Variants in CFAP221 observed in about 807,000 individuals in gnomAD.
CFAP221 encodes the protein cilia- and flagella-associated protein 221.
CFAP221 carries 97 observed loss-of-function variants against 113.1 expected under a neutral mutation model. That is an observed-to-expected ratio of 0.86 (90% CI 0.73 to 1.02). CFAP221 has a LOEUF of 1.02. CFAP221 is among the 50% of genes least tolerant of loss of function. The probability of loss-of-function intolerance (pLI) is 0.00; values close to 1 mark genes in which losing one functional copy is unlikely to be tolerated. For synonymous variants in CFAP221, 331 were observed against 354.4 expected, an observed-to-expected ratio of 0.93 and a Z score of 0.74; for missense variants, 1,025 against 1,013.4, an observed-to-expected ratio of 1.01 and a Z score of -0.16.
chr2:119,601,354 A>G lies in CFAP221; in HGVS notation c.768A>G (p.Thr256=), dbSNP rs1684354849. 2.0e-6 allele frequency: 3 copies of G among 1,532,334 alleles called. No individual in the cohort carries two copies. Among genetic ancestry groups the G allele is most frequent in the South Asian group, 1.2e-5 (1 of 83,352 alleles). The allele number at this position is 1,532,334 out of a possible 1,614,324, so 94.9% of individuals were successfully genotyped here. A position where few individuals can be genotyped will look rare whatever the true frequency, so the allele number is the denominator to read the frequency against. Residue 256 remains threonine (T), a synonymous_variant, in exon 8 of 24, where the codon ACA becomes ACG. Transcript: ENST00000413369. ...CATACGAATGTGTCTTCACCGGAAC[A>G]TGCTATCCCAACATGGCCTTACCGT... ...SQPYECVFTG[T]CYPNMALPLE...
chr2:119,659,900 G>A (rs1236746698), downstream of CFAP221, among the ~76,000 whole-genome samples: 1 of 152,168 alleles, frequency 6.6e-6, no homozygotes, highest in Non-Finnish European at 1.5e-5. Context: ...TGTTTGTTCA[G>A]GGAATTGCTT....
chr2:119,560,058 T>G (rs1681126697), intron 5 of CFAP221, 32 bp downstream of exon 5: 1 of 1,429,740 alleles, frequency 7.0e-7, no homozygotes, highest in East Asian at 2.5e-5. Context: ...TTTTTTTTTT[T>G]TTTTTTTGAT....
chr2:119,557,797 G>A (rs1301411733), intron 3 of CFAP221, among the ~76,000 whole-genome samples: 3 of 151,938 alleles, frequency 2.0e-5, no homozygotes, highest in South Asian at 4.2e-4. Context: ...TCAGGAGTTC[G>A]AGACCAGCCT....
chr2:119,586,835 A>G, intron 6 of CFAP221: 1 of 278,410 alleles, frequency 3.6e-6, no homozygotes, highest in Non-Finnish European at 6.6e-6. Context: ...ACATTAAATC[A>G]TGGTTCTGCC....
At position 119,560,046 on chromosome 2, in the gene CFAP221, T is replaced by A. The variant is rs766835517; in HGVS notation, c.426+20T>A. 1.5e-5 allele frequency: 2 copies of A among 133,064 alleles called. No homozygotes were observed. Among genetic ancestry groups the A allele is most frequent in the South Asian group, 3.0e-4 (2 of 6,664 alleles). 8.2% of individuals were successfully genotyped at this position (133,064 alleles called of 1,614,324 possible). Reference sequence around the variant, plus strand: ...TGTAAGGTAGGTCTCTTAAAATTGCTTTTTTTTTTTTTTTTTTTTGATGGT... The same window carrying A: ...TGTAAGGTAGGTCTCTTAAAATTGCATTTTTTTTTTTTTTTTTTTGATGGT... On this transcript the variant is annotated intron_variant, in intron 5 of 23. Coordinates refer to ENST00000413369, the MANE Select transcript of CFAP221 (RefSeq NM_001271049.2).
intron 3 of CFAP221, chr2:119,557,044 C>T (rs959126986): frequency 6.6e-6 from 1 of 152,194 alleles, no homozygotes. Context: ...AGTTTAGGTT[C>T]CTGTCTTCCT....
chr2:119,583,571 G>A (rs932867069), intron 6 of CFAP221, among the ~76,000 whole-genome samples: 8 of 152,046 alleles, frequency 5.3e-5, no homozygotes, highest in Non-Finnish European at 1.0e-4. Context: ...TCCAAAAGTA[G>A]CATTGCAATA....
At chr2:119,548,564 G>A (rs1680205453) in intron 2 of CFAP221, among the ~76,000 whole-genome samples, 1 of 152,186 alleles carries the variant, frequency 6.6e-6, no homozygotes, top group African/African-American at 2.4e-5. Flanking sequence ...GAGACTTACT[G>A]TTCCGAGTGA....
intron 3 of CFAP221, among the ~76,000 whole-genome samples, chr2:119,552,946 T>G (rs947404311): frequency 6.6e-6 from 1 of 152,142 alleles, no homozygotes; most frequent in Admixed American, 6.5e-5. Context: ...TCTAATAGAG[T>G]TAAGGATTTT....
intron 15 of CFAP221, chr2:119,625,908 A>C: frequency 1.9e-6 from 1 of 537,272 alleles, no homozygotes. Flanking sequence ...TGACTGGCTG[A>C]ATATGGTATT....
At chr2:119,638,861 C>T (rs547712036) in intron 20 of CFAP221, among the ~76,000 whole-genome samples, 1 of 152,124 alleles carries the variant, frequency 6.6e-6, no homozygotes, top group African/African-American at 2.4e-5. Flanking sequence ...ACCTGAATAT[C>T]CCCTGACACC....
chr2:119,584,000 C>G (rs1023672896), intron 6 of CFAP221, among the ~76,000 whole-genome samples: 4 of 152,066 alleles, frequency 2.6e-5, no homozygotes, highest in African/African-American at 9.7e-5. Context: ...TGACAGCAAC[C>G]CAAACATACC....
chr2:119,600,766 C>T (rs1338761714), intron 7 of CFAP221, among the ~76,000 whole-genome samples: 1 of 152,134 alleles, frequency 6.6e-6, no homozygotes, highest in African/African-American at 2.4e-5. Flanking sequence ...GCCTCTTCTT[C>T]CACCTCTTCC....
At chr2:119,587,031 C>A in intron 6 of CFAP221, 88 bp from the exon 7 acceptor site, 3 of 945,430 alleles carry the variant, frequency 3.2e-6, no homozygotes, top group African/African-American at 1.7e-5. Context: ...TTGTTTATTA[C>A]GTAACTTGAG....
In CFAP221 at chr2:119,629,962, C is replaced by T. The variant is rs201524308; in HGVS notation, c.1731+7C>T. On this transcript the variant is annotated splice_region_variant and intron_variant, in intron 17 of 23. Coordinates refer to ENST00000413369, the MANE Select transcript of CFAP221 (RefSeq NM_001271049.2). ...TTCCTTCTTCAATCTGCAGGTCAGA[C>T]CTGTCACATAAATTAATTAATTGAG... 3 of 1,586,974 alleles carry T rather than the reference C, an allele frequency of 1.9e-6. No individual in the cohort carries two copies. The highest frequency in any genetic ancestry group is 2.2e-5 in the East Asian group (1 of 44,750).
intron 21 of CFAP221, among the ~76,000 whole-genome samples, chr2:119,642,458 C>T (rs1687548879): frequency 6.6e-6 from 1 of 150,612 alleles, no homozygotes; most frequent in African/African-American, 2.4e-5. Flanking sequence ...TGGTGAGGGC[C>T]AGCTTCCTGG....
chr2:119,546,320 G>A (rs758869022), intron 2 of CFAP221, 50 bp downstream of exon 2: 32 of 1,512,920 alleles, frequency 2.1e-5, no homozygotes, highest in African/African-American at 8.4e-5. Flanking sequence ...CTTCCCAGGC[G>A]AGCCAAAGTC....
At chr2:119,594,032 GGACAAACATCCA>G (rs1486730294) in intron 7 of CFAP221, among the ~76,000 whole-genome samples, 3 of 152,102 alleles carry the variant, frequency 2.0e-5, no homozygotes, top group African/African-American at 7.2e-5. Flanking sequence ...GATTTGCAGG[GGACAAACATCCA>G]AACCATAGCA....
chr2:119,626,433 A>AC (rs1686311652), intron 15 of CFAP221, among the ~76,000 whole-genome samples: 1 of 151,948 alleles, frequency 6.6e-6, no homozygotes, highest in Admixed American at 6.6e-5. Flanking sequence ...AGGTCCCCCA[A>AC]CCCCATACCA....
Sources: allele counts gnomAD v4.1 joint callset (sites outside exome capture counted in the v4.1 genomes callset), GRCh38; gene constraint gnomAD v4.1.1; transcripts MANE v1.5; gene names NCBI Gene and HGNC (gene_info 2026-07-23, HGNC 2026-07-21).